The following PRKD1 variants were observed in gnomAD, a reference collection of about 807,000 sequenced individuals.
PRKD1 encodes the protein protein kinase D1, also known as serine/threonine-protein kinase D1.
PRKD1 carries 63 observed loss-of-function variants against 95.9 expected under a neutral mutation model. The observed-to-expected ratio is 0.66, with a 90% CI of 0.54 to 0.81. The LOEUF is 0.81. Among genes scored for constraint, PRKD1 ranks in the 30% least tolerant of loss-of-function variants. The pLI is 0.00. For missense variants in PRKD1, 1,048 were observed against 1,165.3 expected (o/e 0.90, Z 1.47); for synonymous variants, 425 against 423.1 (o/e 1.00, Z -0.05).
chr14:29,786,476 T>C (rs1889279171), intron 1 of PRKD1, among the ~76,000 whole-genome samples: 2 of 152,140 alleles, frequency 1.3e-5, no homozygotes, highest in Non-Finnish European at 2.9e-5. Flanking sequence ...GTACTGAGCT[T>C]TTCTTTGGTT....
At chr14:29,920,860 ATTATG>A (rs1895076607) in intron 1 of PRKD1, among the ~76,000 whole-genome samples, 1 of 152,206 alleles carries the variant, frequency 6.6e-6, no homozygotes, top group Non-Finnish European at 1.5e-5. Flanking sequence ...TGCACAACCA[ATTATG>A]TTATATTAGC....
rs1892584911 is a variant in PRKD1 at position 29,577,233 on chromosome 14, G to A, written c.*5C>T. 1.2e-6 allele frequency: 2 copies of A among 1,607,196 alleles called. No individual in the cohort carries two copies. Among genetic ancestry groups the A allele is most frequent in the Admixed American group, 3.3e-5 (2 of 59,900 alleles). ...AGTGTTTTGACAGATTATAGGAGAT[G>A]GAACTCAGAGGATGCTGACACGCTC... is the stretch of plus-strand genomic sequence containing the variant. On this transcript the variant is annotated 3_prime_UTR_variant, in exon 18 of 18. Transcript: ENST00000331968.
In PRKD1 at chr14:29,705,988, T is replaced by C. The variant is rs145910586; in HGVS notation, c.403+19548A>G. Among the ~76,000 whole-genome samples, 63 of 152,258 alleles carry C rather than the reference T, an allele frequency of 4.1e-4. No individual in the cohort carries two copies. In the East Asian group the frequency reaches 7.3e-3, roughly 18 times the overall value. On this transcript the variant is annotated intron_variant, in intron 2 of 17. Coordinates refer to ENST00000331968, the MANE Select transcript of PRKD1 (RefSeq NM_002742.3). ...ATTCTTTGGGGTATAAACCAAGAAG[T>C]AGAATTGCTGGGAACTTCTTGAGGA...
At chr14:29,766,430 C>T (rs932739406) in intron 1 of PRKD1, among the ~76,000 whole-genome samples, 3 of 152,106 alleles carry the variant, frequency 2.0e-5, no homozygotes, top group Non-Finnish European at 4.4e-5. Context: ...TGCAACTTAG[C>T]TTTGTTTAAT....
chr14:29,826,515 T>C (rs1891124728), intron 1 of PRKD1, among the ~76,000 whole-genome samples: 1 of 126,244 alleles, frequency 7.9e-6, no homozygotes. Flanking sequence ...TGATGGAATA[T>C]ATGTATACAT....
chr14:29,676,177 G>GTTTTTTTT (rs147308040), intron 2 of PRKD1, among the ~76,000 whole-genome samples: 19 of 104,750 alleles, frequency 1.8e-4, no homozygotes, highest in East Asian at 5.3e-4. Flanking sequence ...AGTTCATTAC[G>GTTTTTTTT]TTTTTGTTTT....
At chr14:29,671,051 C>T (rs1882809177) in intron 2 of PRKD1, among the ~76,000 whole-genome samples, 1 of 151,772 alleles carries the variant, frequency 6.6e-6, no homozygotes, top group African/African-American at 2.4e-5. Flanking sequence ...AATATATCAT[C>T]TCAGAGATCA....
chr14:29,666,296 C>T lies in PRKD1; in HGVS notation c.404-88G>A, dbSNP rs115273409. ...ATGCAAGATAATAAATATGCCAGTA[C>T]GGATATAACTCCCTAGGCAAAGTTA... On this transcript the variant is annotated intron_variant, in intron 2 of 17. Coordinates refer to ENST00000331968, the MANE Select transcript of PRKD1 (RefSeq NM_002742.3). 1.2e-3 allele frequency: 1,679 copies of T among 1,356,160 alleles called. 31 individuals are homozygous for T. In the African/African-American group the frequency reaches 0.022, roughly 18 times the overall value. 84.0% of individuals were successfully genotyped at this position (1,356,160 alleles called of 1,614,324 possible).
intron 10 of PRKD1, 38 bp downstream of exon 10, chr14:29,630,704 G>A (rs188051207): frequency 3.2e-5 from 52 of 1,613,152 alleles, no homozygotes; most frequent in Non-Finnish European, 4.2e-5. Flanking sequence ...GTAGGCACAT[G>A]ATGAGCTTTG....
In PRKD1 at chr14:29,594,273, G is replaced by T; in HGVS notation, c.2434+3218C>A. ...ATAACATTTTCTTTTGCTTTTTCATGCCAGGAAAAAAAAATACATTACAAC... is the reference window on the plus strand; with the variant it reads ...ATAACATTTTCTTTTGCTTTTTCATTCCAGGAAAAAAAAATACATTACAAC... On this transcript the variant is annotated intron_variant, in intron 16 of 17. Coordinates refer to ENST00000331968, the MANE Select transcript of PRKD1 (RefSeq NM_002742.3). The T allele has an allele frequency of 9.7e-6, 3 of 308,482 alleles. 1 individual carries two copies. Among genetic ancestry groups the T allele is most frequent in the South Asian group, 8.0e-5 (3 of 37,646 alleles). The allele number at this position is 308,482 out of a possible 1,614,324, so 19.1% of individuals were successfully genotyped here. A position where few individuals can be genotyped will look rare whatever the true frequency, so the allele number is the denominator to read the frequency against.
At chr14:29,896,715 A>C (rs1330039948) in intron 1 of PRKD1, among the ~76,000 whole-genome samples, 2 of 129,156 alleles carry the variant, frequency 1.5e-5, no homozygotes, top group Non-Finnish European at 3.2e-5. Flanking sequence ...TGAGAATTAA[A>C]CAGTTAAAAA....
At chr14:29,595,606 A>C (rs1893270165) in intron 16 of PRKD1, among the ~76,000 whole-genome samples, 1 of 152,130 alleles carries the variant, frequency 6.6e-6, no homozygotes, top group Non-Finnish European at 1.5e-5. Flanking sequence ...AAAAGTTCAT[A>C]ATTTATAACT....
At position 29,722,527 on chromosome 14, in the gene PRKD1, T is replaced by C. The variant is rs1378045104; in HGVS notation, c.403+3009A>G. Among the ~76,000 whole-genome samples, 5 of 152,378 alleles carry C rather than the reference T, an allele frequency of 3.3e-5. No homozygotes were observed. In the East Asian group the frequency reaches 5.8e-4, roughly 18 times the overall value. Reference sequence around the variant, plus strand: ...GAAATAATATTTTACAACAAATCGATATTTTTACAAAATGGTATATATGTA... The same window carrying C: ...GAAATAATATTTTACAACAAATCGACATTTTTACAAAATGGTATATATGTA... On this transcript the variant is annotated intron_variant, in intron 2 of 17. Coordinates refer to ENST00000331968, the MANE Select transcript of PRKD1 (RefSeq NM_002742.3).
intron 3 of PRKD1, 109 bp downstream of exon 3, chr14:29,665,968 T>G: frequency 8.0e-7 from 1 of 1,243,196 alleles, no homozygotes. Flanking sequence ...TATCCACTCA[T>G]TGGTTGATGG....
chr14:29,775,329 G>T (rs1888690572), intron 1 of PRKD1, among the ~76,000 whole-genome samples: 1 of 152,184 alleles, frequency 6.6e-6, no homozygotes, highest in Non-Finnish European at 1.5e-5. Flanking sequence ...CACCGAATGA[G>T]AGTCGAAGCA....
At chr14:29,849,608 T>C (rs1442275559) in intron 1 of PRKD1, among the ~76,000 whole-genome samples, 1 of 149,972 alleles carries the variant, frequency 6.7e-6, no homozygotes, top group Non-Finnish European at 1.5e-5. Flanking sequence ...GAAAACGCCC[T>C]AAACAGATGG....
intron 1 of PRKD1, among the ~76,000 whole-genome samples, chr14:29,857,624 T>G (rs975736792): frequency 1.3e-5 from 2 of 152,214 alleles, no homozygotes; most frequent in African/African-American, 2.4e-5. Context: ...GTTATGCTTA[T>G]ATTATGTCTC....
chr14:29,882,929 G>C (rs1208514517), intron 1 of PRKD1, among the ~76,000 whole-genome samples: 2 of 152,164 alleles, frequency 1.3e-5, no homozygotes, highest in Non-Finnish European at 2.9e-5. Flanking sequence ...AACTTGGGTT[G>C]CTTCGACCCT....
chr14:29,779,113 AATTAGGT>A (rs1338660291), intron 1 of PRKD1, among the ~76,000 whole-genome samples: 1 of 152,210 alleles, frequency 6.6e-6, no homozygotes, highest in Admixed American at 6.5e-5. Flanking sequence ...ACTCTCAATA[AATTAGGT>A]ATTGATGAGA....
Sources: gnomAD v4.1 joint callset for allele counts (sites outside exome capture counted in the v4.1 genomes callset) on GRCh38, gnomAD v4.1.1 for gene constraint, MANE v1.5 for transcripts, NCBI Gene and HGNC (gene_info 2026-07-23, HGNC 2026-07-21) for gene names.